The following SMC6 variants were observed in gnomAD, a reference collection of about 807,000 sequenced individuals.
SMC6 encodes structural maintenance of chromosomes 6.
A neutral mutation model predicts 142.2 loss-of-function variants in SMC6; 79 were observed. The ratio of observed to expected loss-of-function variants is 0.56; its 90% CI spans 0.46 to 0.67. The LOEUF is 0.67. Among genes scored for constraint, SMC6 ranks in the 30% least tolerant of loss-of-function variants. The pLI is 0.00. For synonymous variants in SMC6, 411 were observed against 412.4 expected, an observed-to-expected ratio of 1.00 and a Z score of 0.04; for missense variants, 1,072 against 1,284.0, an observed-to-expected ratio of 0.83 and a Z score of 2.52.
At position 17,738,242 on chromosome 2, in the gene SMC6, C is replaced by G; in HGVS notation, c.323G>C (p.Gly108Ala). 1 of 1,612,900 alleles carries G rather than the reference C, an allele frequency of 6.2e-7. No individual in the cohort carries two copies. The highest frequency in any genetic ancestry group is 8.5e-7 in the Non-Finnish European group (1 of 1,179,520). Residue 108 changes from glycine (G) to alanine (A), a missense_variant, in exon 5 of 28, where the codon GGT (glycine) becomes GCT (alanine). Gly to Ala is a moderately conservative substitution (Grantham distance 60). This residue lies in a region of SMC6 where 994 missense variants were observed against 1,153.2 expected (regional missense o/e 0.86). Coordinates refer to ENST00000448223, the MANE Select transcript of SMC6 (RefSeq NM_001142286.2). The stretch of plus-strand genomic sequence containing the variant: ...TTACTTCTGTCCATCTTTCACAAAA[C>G]CTTTTAAAGAGGATCCTCTATTAGT... ...VATNRGSSLK[G>A]FVKDGQNSAD...
At chr2:17,670,333 G>C (rs1357219689) in intron 26 of SMC6, 90 bp downstream of exon 26, 1 of 1,322,190 alleles carries the variant, frequency 7.6e-7, no homozygotes, top group Admixed American at 2.3e-5. Context: ...TCCTGTTAGG[G>C]GTAAAACTAA....
intron 26 of SMC6, 145 bp downstream of exon 26, chr2:17,670,278 C>T (rs1572241455): frequency 1.2e-6 from 1 of 808,358 alleles, no homozygotes; most frequent in East Asian, 3.0e-5. Flanking sequence ...TTCTTTAGTT[C>T]TTCCCCACTA....
chr2:17,712,385 C>T (rs1458067484), intron 16 of SMC6, among the ~76,000 whole-genome samples: 1 of 152,062 alleles, frequency 6.6e-6, no homozygotes, highest in African/African-American at 2.4e-5. Flanking sequence ...TAGAGTCAGG[C>T]AAGAAAGTAT....
intron 23 of SMC6, among the ~76,000 whole-genome samples, chr2:17,690,188 A>G (rs984342910): frequency 2.0e-5 from 3 of 152,262 alleles, no homozygotes; most frequent in Admixed American, 1.3e-4. Flanking sequence ...TTGATTTTGC[A>G]CAGAAAAATA....
In SMC6 at chr2:17,708,703, T is replaced by C; in HGVS notation, c.1781A>G (p.Asp594Gly). 6.4e-7 allele frequency: 1 copy of C among 1,565,362 alleles called. No homozygotes were observed. Among genetic ancestry groups the C allele is most frequent in the Non-Finnish European group, 8.7e-7 (1 of 1,153,920 alleles). ...FPTVLTALEI[D>G]NAVVANSLID... is the part of the protein sequence containing the mutation. ...TAGGCTATTTGCCACAACCGCATTA[T>C]CTATTTCTAAAGCTGTCAGAACTGT... The change falls in exon 17 of 28, where the codon GAT (aspartate) becomes GGT (glycine). Residue 594 changes from aspartate (D) to glycine (G), a missense_variant. Around this residue, in one of 3 missense-constraint regions of SMC6, gnomAD observed 994 missense variants for 1,153.2 expected, o/e 0.86. Coordinates refer to ENST00000448223, the MANE Select transcript of SMC6 (RefSeq NM_001142286.2).
At chr2:17,713,615 C>T (rs932852411) in intron 16 of SMC6, 2 of 448,672 alleles carry the variant, frequency 4.5e-6, no homozygotes, top group South Asian at 1.6e-5. Context: ...AAGGACATTC[C>T]TCACAACTGA....
intron 25 of SMC6, among the ~76,000 whole-genome samples, 164 bp downstream of exon 25, chr2:17,678,695 G>T (rs1667109157): frequency 6.6e-6 from 1 of 151,760 alleles, no homozygotes; most frequent in African/African-American, 2.4e-5. Flanking sequence ...AGGGTCGCTT[G>T]AGCCTATGAG....
intron 12 of SMC6, among the ~76,000 whole-genome samples, chr2:17,717,476 C>G (rs771902223): frequency 3.3e-5 from 5 of 151,174 alleles, no homozygotes; most frequent in Admixed American, 6.6e-5. Context: ...TCTAGACCAC[C>G]CTGGCTAACA....
At chr2:17,746,133 G>A in intron 2 of SMC6, 182 bp from the exon 3 acceptor site, 1 of 538,106 alleles carries the variant, frequency 1.9e-6, no homozygotes, top group Non-Finnish European at 2.9e-6. Context: ...GTCAAAAAAT[G>A]CTGGAAAAGG....
intron 5 of SMC6, among the ~76,000 whole-genome samples, chr2:17,737,858 G>A (rs895770026): frequency 1.2e-4 from 19 of 152,154 alleles, no homozygotes; most frequent in African/African-American, 3.9e-4. Context: ...CCCTACTATC[G>A]TATCAATGTG....
At chr2:17,719,783 C>G (rs779808455) in intron 11 of SMC6, among the ~76,000 whole-genome samples, 1 of 152,116 alleles carries the variant, frequency 6.6e-6, no homozygotes, top group Non-Finnish European at 1.5e-5. Flanking sequence ...GCCCAGAAAT[C>G]GCTAAGTGTC....
At position 17,731,124 on chromosome 2, in the gene SMC6, G is replaced by A. The variant is rs1669894673; in HGVS notation, c.497C>T (p.Thr166Met). ...AATTGCAATCAGCTCTTCTTTCCTC[G>A]TGGAAACCACGGAGCCTAGTTATAA... ...LKSATGSVVSTRKEELIAILD... is the reference protein window; with the variant it reads ...LKSATGSVVSMRKEELIAILD... The change falls in exon 7 of 28, where the codon ACG becomes ATG. Residue 166 changes from threonine (T) to methionine (M), a missense_variant. By Grantham distance (81) the Thr-to-Met change is moderately conservative. Transcript: ENST00000448223. The A allele has an allele frequency of 1.4e-5, 22 of 1,611,622 alleles. No individual in the cohort carries two copies. The highest frequency in any genetic ancestry group is 1.8e-5 in the Non-Finnish European group (21 of 1,178,654).
intron 26 of SMC6, among the ~76,000 whole-genome samples, 175 bp from the exon 27 acceptor site, chr2:17,666,692 G>A (rs1305423876): frequency 6.6e-6 from 1 of 152,130 alleles, no homozygotes. Context: ...AAACTATTAG[G>A]AGAAAATTGG....
rs771811673 is a variant in SMC6, at chr2:17,726,487, T to C, written c.544-18A>G. 1.9e-6 allele frequency: 3 copies of C among 1,595,294 alleles called. 1 individual carries two copies. Among genetic ancestry groups the C allele is most frequent in the South Asian group, 2.2e-5 (2 of 89,114 alleles). ...TTATCCACCTCAAACAAACAAAAAG[T>C]CATTTTTGAATATTTTACTTTAATG... is the stretch of plus-strand genomic sequence containing the variant. On this transcript the variant is annotated intron_variant, in intron 7 of 27. Transcript: ENST00000448223.
intron 22 of SMC6, among the ~76,000 whole-genome samples, chr2:17,695,789 G>A (rs1667959002): frequency 6.6e-6 from 1 of 152,156 alleles, no homozygotes; most frequent in Admixed American, 6.5e-5. Context: ...GAATTACAGA[G>A]TTTAGATCAT....
At chr2:17,750,656 G>A (rs1009056720) in intron 2 of SMC6, among the ~76,000 whole-genome samples, 4 of 152,030 alleles carry the variant, frequency 2.6e-5, no homozygotes, top group Non-Finnish European at 4.4e-5. Context: ...GAGTGAAATT[G>A]GCTATTAATC....
intron 25 of SMC6, among the ~76,000 whole-genome samples, chr2:17,675,636 G>A (rs965126507): frequency 5.3e-5 from 8 of 152,044 alleles, no homozygotes; most frequent in Non-Finnish European, 8.8e-5. Context: ...CTAGATATCA[G>A]TTTTTAAAAC....
At chr2:17,727,590 T>C (rs1461390254) in intron 7 of SMC6, among the ~76,000 whole-genome samples, 1 of 151,992 alleles carries the variant, frequency 6.6e-6, no homozygotes, top group Non-Finnish European at 1.5e-5. Flanking sequence ...CCCTGACTAA[T>C]ACACCTAACA....
intron 12 of SMC6, among the ~76,000 whole-genome samples, chr2:17,717,480 G>A (rs928136923): frequency 2.0e-5 from 3 of 151,632 alleles, no homozygotes; most frequent in South Asian, 4.2e-4. Context: ...GACCACCCTG[G>A]CTAACATGGT....
Sources: allele counts gnomAD v4.1 joint callset (sites outside exome capture counted in the v4.1 genomes callset), GRCh38; gene constraint gnomAD v4.1.1; regional missense constraint gnomAD v4.1.1; transcripts MANE v1.5; gene names NCBI Gene and HGNC (gene_info 2026-07-23, HGNC 2026-07-21).